Variants in LPAR6 observed in about 807,000 individuals in gnomAD.
The protein encoded by LPAR6 is lysophosphatidic acid receptor 6.
Under a neutral mutation model 22.0 loss-of-function variants are expected in LPAR6, and 17 were observed. The ratio of observed to expected loss-of-function variants is 0.77; its 90% CI spans 0.53 to 1.16. The LOEUF (loss-of-function observed/expected upper bound fraction) is 1.16. LPAR6 is among the 50% of genes most tolerant of loss of function. The pLI, the probability that LPAR6 is intolerant of heterozygous loss-of-function variation, is 0.00. For missense variants in LPAR6, 384 were observed against 406.9 expected (o/e 0.94, Z 0.48); for synonymous variants, 136 against 139.8 (o/e 0.97, Z 0.19).
intron 1 of LPAR6, among the ~76,000 whole-genome samples, chr13:48,402,592 G>C (rs533345094): frequency 4.7e-4 from 71 of 151,986 alleles, no homozygotes; most frequent in African/African-American, 1.7e-3. Context: ...GCCCAGGCTG[G>C]TCTCAAACTC....
intron 1 of LPAR6, among the ~76,000 whole-genome samples, chr13:48,396,191 C>T (rs1326584448): frequency 6.6e-6 from 1 of 152,108 alleles, no homozygotes; most frequent in Non-Finnish European, 1.5e-5. Context: ...ATAGCCGAGA[C>T]AATCTTAAGC....
At chr13:48,439,446 G>A (rs901978215) in intron 1 of LPAR6, among the ~76,000 whole-genome samples, 5 of 152,046 alleles carry the variant, frequency 3.3e-5, no homozygotes, top group Non-Finnish European at 7.4e-5. Flanking sequence ...CATAGTTATC[G>A]AAATCAGGCA....
chr13:48,395,476 CT>C (rs1253944838), intron 1 of LPAR6, among the ~76,000 whole-genome samples: 1 of 151,906 alleles, frequency 6.6e-6, no homozygotes, highest in East Asian at 1.9e-4. Flanking sequence ...AAGCTAAGAA[CT>C]TTGAAAAAAG....
chr13:48,390,884 T>C (rs547515528), intron 1 of LPAR6, among the ~76,000 whole-genome samples: 19 of 152,340 alleles, frequency 1.2e-4, no homozygotes, highest in Admixed American at 2.0e-4. Flanking sequence ...AGGCAGCATA[T>C]TGTTGGGTGT....
At chr13:48,434,821 C>A (rs1277101410) in intron 1 of LPAR6, among the ~76,000 whole-genome samples, 1 of 152,178 alleles carries the variant, frequency 6.6e-6, no homozygotes, top group African/African-American at 2.4e-5. Flanking sequence ...TAAGTGGAAT[C>A]AAACAGGATT....
At chr13:48,441,439 A>G (rs1191105956) in intron 1 of LPAR6, among the ~76,000 whole-genome samples, 1 of 152,236 alleles carries the variant, frequency 6.6e-6, no homozygotes, top group Non-Finnish European at 1.5e-5. Context: ...TAACATGTGC[A>G]TATCAACAAA....
At chr13:48,394,206 C>T (rs1948630934) in intron 1 of LPAR6, among the ~76,000 whole-genome samples, 1 of 152,214 alleles carries the variant, frequency 6.6e-6, no homozygotes, top group South Asian at 2.1e-4. Flanking sequence ...TCATGAGGAA[C>T]ATTGCATTCC....
chr13:48,404,356 A>G (rs1284466836), intron 1 of LPAR6: 1 of 152,142 alleles, frequency 6.6e-6, no homozygotes, highest in Non-Finnish European at 1.5e-5. Flanking sequence ...TTACTTTGGT[A>G]TTTTCAGGTA....
chr13:48,442,515 T>C (rs2138310296), intron 1 of LPAR6, among the ~76,000 whole-genome samples: 1 of 152,346 alleles, frequency 6.6e-6, no homozygotes, highest in East Asian at 1.9e-4. Flanking sequence ...ATTCAGAAGG[T>C]AACTTTCCTA....
chr13:48,395,383 C>A (rs1566204294), intron 1 of LPAR6, among the ~76,000 whole-genome samples: 1 of 151,898 alleles, frequency 6.6e-6, no homozygotes, highest in Non-Finnish European at 1.5e-5. Context: ...GGGAGTTTGA[C>A]GAATTGACAG....
chr13:48,410,040 A>C (rs1032592430), downstream of LPAR6, among the ~76,000 whole-genome samples: 1 of 152,202 alleles, frequency 6.6e-6, no homozygotes, highest in Non-Finnish European at 1.5e-5. Context: ...GTTACTTTAT[A>C]ATGTAAGGAA....
chr13:48,394,474 A>G (rs1051720592), intron 1 of LPAR6, among the ~76,000 whole-genome samples: 1 of 152,186 alleles, frequency 6.6e-6, no homozygotes, highest in East Asian at 1.9e-4. Context: ...TCCCACCCCC[A>G]TGGAGCCAAG....
chr13:48,412,473 G>T lies in LPAR6; in HGVS notation c.-50C>A. ...TTTGGAAGCACTTTCATCAGCTGCA[G>T]TCTCCTTTGGGATTCAGATTATAAC... is the stretch of plus-strand genomic sequence containing the variant. On this transcript the variant is annotated 5_prime_UTR_variant, in exon 1 of 1. The change creates a new upstream start codon in the 5' untranslated region. Coordinates refer to ENST00000620633, the MANE Select transcript of LPAR6 (RefSeq NM_001162498.3). 8.3e-7 allele frequency: 1 copy of T among 1,199,502 alleles called. No individual in the cohort carries two copies. 74.3% of individuals were successfully genotyped at this position (1,199,502 alleles called of 1,614,324 possible).
chr13:48,413,568 A>G (rs1345292264), upstream of LPAR6, among the ~76,000 whole-genome samples: 5 of 152,238 alleles, frequency 3.3e-5, no homozygotes, highest in African/African-American at 9.6e-5. Flanking sequence ...CCTTTAAGGT[A>G]TAACAAGCAT....
At chr13:48,410,345 A>G (rs1434154475), downstream of LPAR6, among the ~76,000 whole-genome samples, 1 of 152,194 alleles carries the variant, frequency 6.6e-6, no homozygotes, top group Non-Finnish European at 1.5e-5. Context: ...CATGCTGTAT[A>G]GGTTTGTAGC....
intron 1 of LPAR6, among the ~76,000 whole-genome samples, chr13:48,392,814 T>C (rs963091200): frequency 6.6e-6 from 1 of 152,110 alleles, no homozygotes; most frequent in Non-Finnish European, 1.5e-5. Context: ...GCTTGGTGAT[T>C]TTTTTGTTAG....
chr13:48,443,026 G>C (rs1949253221), intron 1 of LPAR6, among the ~76,000 whole-genome samples: 1 of 151,982 alleles, frequency 6.6e-6, no homozygotes, highest in African/African-American at 2.4e-5. Flanking sequence ...CACTTTGAAA[G>C]ACATTTTAAG....
intron 1 of LPAR6, among the ~76,000 whole-genome samples, chr13:48,443,705 A>T (rs1191565829): frequency 4.6e-5 from 7 of 152,216 alleles, no homozygotes; most frequent in African/African-American, 1.7e-4. Context: ...GGTACATTTC[A>T]TACTAAGATT....
chr13:48,417,423 G>C (rs1372265337), upstream of LPAR6: 3 of 152,150 alleles, frequency 2.0e-5, no homozygotes, highest in Non-Finnish European at 2.9e-5. Context: ...CCATTTGAAG[G>C]TCACCAACAT....
Sources: gnomAD v4.1 joint callset for allele counts (sites outside exome capture counted in the v4.1 genomes callset) on GRCh38, gnomAD v4.1.1 for gene constraint, MANE v1.5 for transcripts, NCBI Gene and HGNC (gene_info 2026-07-23, HGNC 2026-07-21) for gene names.